The following SCYL2 variants were observed in gnomAD, a reference collection of about 807,000 sequenced individuals.
SCYL2 encodes SCY1 like pseudokinase 2.
In SCYL2, 36 loss-of-function variants were observed where a neutral mutation model predicts 100.4. The observed-to-expected ratio is 0.36, with a 90% CI of 0.27 to 0.47. The LOEUF (loss-of-function observed/expected upper bound fraction) is 0.47, where lower values mean the gene tolerates loss of function less well. Among genes scored for constraint, SCYL2 ranks in the 20% least tolerant of loss-of-function variants. SCYL2 has a pLI of 1.00. For missense variants in SCYL2, 902 were observed against 1,083.9 expected (o/e 0.83, Z 2.36); for synonymous variants, 330 against 359.2 (o/e 0.92, Z 0.92).
intron 11 of SCYL2, among the ~76,000 whole-genome samples, chr12:100,324,665 A>G (rs2096359775): frequency 6.6e-6 from 1 of 152,212 alleles, no homozygotes; most frequent in Non-Finnish European, 1.5e-5. Flanking sequence ...GTATGAAATG[A>G]AATAAAGTCA....
At chr12:100,278,430 G>T (rs1310337329) in intron 1 of SCYL2, among the ~76,000 whole-genome samples, 2 of 151,982 alleles carry the variant, frequency 1.3e-5, no homozygotes, top group Admixed American at 1.3e-4. Context: ...GAACTGCTGG[G>T]CTCAAGTGAT....
At position 100,340,568 on chromosome 12, in the gene SCYL2, G is replaced by A. The variant is rs1214310183; in HGVS notation, c.*1396G>A. ...ATATTAAGTTTAGTATGCTGGTATT[G>A]TTTATTCATTTTATATGAATATTCA... is the stretch of plus-strand genomic sequence containing the variant. On this transcript the variant is annotated 3_prime_UTR_variant, in exon 18 of 18. Coordinates refer to ENST00000360820, the MANE Select transcript of SCYL2 (RefSeq NM_017988.6). 1 of 151,956 alleles carries A rather than the reference G, an allele frequency of 6.6e-6. No individual in the cohort carries two copies. The highest frequency in any genetic ancestry group is 1.5e-5 in the Non-Finnish European group (1 of 67,912). 9.4% of individuals were successfully genotyped at this position (151,956 alleles called of 1,614,324 possible). A position where few individuals can be genotyped will look rare whatever the true frequency, so the allele number is the denominator to read the frequency against.
chr12:100,325,947 C>G (rs1392986658), intron 11 of SCYL2, among the ~76,000 whole-genome samples: 1 of 151,954 alleles, frequency 6.6e-6, no homozygotes, highest in East Asian at 1.9e-4. Context: ...TATTAGCCAA[C>G]AAAATTATTT....
At chr12:100,308,656 A>C (rs1310677948) in intron 4 of SCYL2, among the ~76,000 whole-genome samples, 1 of 152,152 alleles carries the variant, frequency 6.6e-6, no homozygotes, top group Admixed American at 6.5e-5. Context: ...AACAACAACA[A>C]AAAAGAAAGA....
At chr12:100,296,552 A>T (rs897140451) in intron 3 of SCYL2, among the ~76,000 whole-genome samples, 5 of 152,198 alleles carry the variant, frequency 3.3e-5, no homozygotes, top group African/African-American at 1.2e-4. Context: ...AAAAGGAAGG[A>T]AAAAGAACCT....
intron 4 of SCYL2, among the ~76,000 whole-genome samples, chr12:100,309,224 T>A (rs2096338824): frequency 6.6e-6 from 1 of 152,124 alleles, no homozygotes; most frequent in Non-Finnish European, 1.5e-5. Flanking sequence ...CATCTTACTC[T>A]GCCCTCTTCC....
chr12:100,329,330 T>C lies in SCYL2; in HGVS notation c.1761+11T>C. Reference sequence around the variant, plus strand: ...CTTAATCTTAATCAGGTAGGAGTATTTTTGTGCTTTATTCATTTTATTCAG... The same window carrying C: ...CTTAATCTTAATCAGGTAGGAGTATCTTTGTGCTTTATTCATTTTATTCAG... On this transcript the variant is annotated intron_variant, in intron 13 of 17. Coordinates refer to ENST00000360820, the MANE Select transcript of SCYL2 (RefSeq NM_017988.6). 1 of 1,287,452 alleles carries C rather than the reference T, an allele frequency of 7.8e-7. No homozygotes were observed. The highest frequency in any genetic ancestry group is 1.1e-6 in the Non-Finnish European group (1 of 885,032). 79.8% of individuals were successfully genotyped at this position (1,287,452 alleles called of 1,614,324 possible). A position where few individuals can be genotyped will look rare whatever the true frequency, so the allele number is the denominator to read the frequency against.
rs1952267278 is a variant in SCYL2 at position 100,335,730 on chromosome 12, T to C, written c.1929+39T>C. The C allele has an allele frequency of 1.9e-6, 3 of 1,590,746 alleles. No homozygotes were observed. The East Asian group carries it at 6.7e-5, about 36-fold the overall frequency. On this transcript the variant is annotated intron_variant, in intron 15 of 17. Coordinates refer to ENST00000360820, the MANE Select transcript of SCYL2 (RefSeq NM_017988.6). ...TAATTTTTGCAGAAAGTATGCTTCA[T>C]CTGGAGGGCTTTTAATCTTTAAGCA...
intron 4 of SCYL2, among the ~76,000 whole-genome samples, chr12:100,299,776 G>T (rs1003284638): frequency 2.0e-5 from 3 of 151,904 alleles, no homozygotes; most frequent in Middle Eastern, 3.4e-3. Context: ...ATAATATTTG[G>T]GTTGTTTCTA....
intron 1 of SCYL2, among the ~76,000 whole-genome samples, chr12:100,278,161 TTTA>T (rs1319949979): frequency 6.6e-6 from 1 of 152,182 alleles, no homozygotes; most frequent in African/African-American, 2.4e-5. Flanking sequence ...ATTTTTTATT[TTTA>T]TTATTCTGGT....
rs1418532948 is a variant in SCYL2, at chr12:100,341,527, G to A, written c.*2355G>A. On this transcript the variant is annotated 3_prime_UTR_variant, in exon 18 of 18. Coordinates refer to ENST00000360820, the MANE Select transcript of SCYL2 (RefSeq NM_017988.6). ...TGGAAATAGACTATGTACTTGTCTG[G>A]TTTTTGTTTGTTTTTATTTTGGAAT... is the stretch of plus-strand genomic sequence containing the variant. 1 of 152,130 alleles carries A rather than the reference G, an allele frequency of 6.6e-6. No homozygotes were observed. Among genetic ancestry groups the A allele is most frequent in the African/African-American group, 2.4e-5 (1 of 41,442 alleles). The allele number at this position is 152,130 out of a possible 1,614,324, so 9.4% of individuals were successfully genotyped here. A position where few individuals can be genotyped will look rare whatever the true frequency, so the allele number is the denominator to read the frequency against.
At chr12:100,277,573 A>C (rs1045906136) in intron 1 of SCYL2, among the ~76,000 whole-genome samples, 1 of 152,156 alleles carries the variant, frequency 6.6e-6, no homozygotes, top group Non-Finnish European at 1.5e-5. Flanking sequence ...ATACTTTCAC[A>C]TTCTTTTACC....
In SCYL2 at chr12:100,326,610, C is replaced by T. The variant is rs201866011; in HGVS notation, c.1510-12C>T. 4 of 1,552,774 alleles carry T rather than the reference C, an allele frequency of 2.6e-6. No individual in the cohort carries two copies. Among genetic ancestry groups the T allele is most frequent in the African/African-American group, 1.4e-5 (1 of 72,310 alleles). The stretch of plus-strand genomic sequence containing the variant: ...ACTTTTAATGACTAATGCAATTTAC[C>T]TCTTTTAATAGGTTCGTGTAAATTC... On this transcript the variant is annotated splice_polypyrimidine_tract_variant and intron_variant, in intron 11 of 17. Coordinates refer to ENST00000360820, the MANE Select transcript of SCYL2 (RefSeq NM_017988.6).
chr12:100,284,722 C>T (rs1291649635), intron 2 of SCYL2, among the ~76,000 whole-genome samples: 1 of 152,184 alleles, frequency 6.6e-6, no homozygotes, highest in Non-Finnish European at 1.5e-5. Flanking sequence ...CTCGGCCTCC[C>T]AAAGTGCTGG....
intron 6 of SCYL2, 124 bp from the exon 7 acceptor site, chr12:100,313,298 T>C (rs979680929): frequency 1.1e-5 from 5 of 459,980 alleles, no homozygotes; most frequent in African/African-American, 1.0e-4. Context: ...GAATTAACAG[T>C]GTGTTTAAAA....
intron 4 of SCYL2, among the ~76,000 whole-genome samples, chr12:100,308,704 G>A (rs929664361): frequency 5.3e-5 from 8 of 152,172 alleles, no homozygotes; most frequent in African/African-American, 1.9e-4. Flanking sequence ...TGCCTTTCAA[G>A]TTTATCTAGG....
chr12:100,334,612 T>C (rs60597887), intron 14 of SCYL2, among the ~76,000 whole-genome samples: 1 of 152,200 alleles, frequency 6.6e-6, no homozygotes, highest in East Asian at 1.9e-4. Context: ...GAAAATTTTT[T>C]AAATTTATGA....
At chr12:100,318,025 A>G in intron 10 of SCYL2, 100 bp downstream of exon 10, 1 of 1,038,732 alleles carries the variant, frequency 9.6e-7, no homozygotes, top group Non-Finnish European at 1.4e-6. Context: ...AAAATACATA[A>G]CTCAATAGTA....
chr12:100,337,166 T>C (rs1464178989), intron 16 of SCYL2, among the ~76,000 whole-genome samples: 1 of 152,182 alleles, frequency 6.6e-6, no homozygotes, highest in Non-Finnish European at 1.5e-5. Context: ...ATAATTATTA[T>C]TTTCATGCTG....
Sources: gnomAD v4.1 joint callset for allele counts (sites outside exome capture counted in the v4.1 genomes callset) on GRCh38, gnomAD v4.1.1 for gene constraint, MANE v1.5 for transcripts, NCBI Gene and HGNC (gene_info 2026-07-23, HGNC 2026-07-21) for gene names.